FN1: variants seen among roughly 807,000 people sequenced by gnomAD.
FN1 encodes the protein fibronectin.
FN1 carries 106 observed loss-of-function variants against 297.3 expected under a neutral mutation model. The observed-to-expected ratio is 0.36, with a 90% CI of 0.30 to 0.42. FN1 has a LOEUF of 0.42. Among genes scored for constraint, FN1 ranks in the 10% least tolerant of loss-of-function variants. The pLI is 1.00. For synonymous variants in FN1, 1,149 were observed against 1,152.6 expected (o/e 1.00, Z 0.06); for missense variants, 2,690 against 3,124.9 (o/e 0.86, Z 3.32).
Position 215,436,011 on chromosome 2 carries a change from TTCCCGCTCGCGCCTGGGGTTCCCTCTCC to T in FN1, c.-237_-210del. The T allele has an allele frequency of 9.0e-7, 1 of 1,114,922 alleles. No homozygotes were observed. Among genetic ancestry groups the T allele is most frequent in the Middle Eastern group, 3.1e-4 (1 of 3,250 alleles). The allele number at this position is 1,114,922 out of a possible 1,614,324, so 69.1% of individuals were successfully genotyped here. A position where few individuals can be genotyped will look rare whatever the true frequency, so the allele number is the denominator to read the frequency against. ...AGAAGTTGTGGCTGCAGGTCCCCTCTTCCCGCTCGCGCCTGGGGTTCCCTCTCCTCCCCCTGTGCAGCACAGCCGGCGC... is the reference window on the plus strand; with the variant it reads ...AGAAGTTGTGGCTGCAGGTCCCCTCTTCCCCCTGTGCAGCACAGCCGGCGC... On this transcript the variant is annotated 5_prime_UTR_variant, in exon 1 of 46. Coordinates refer to ENST00000354785, the MANE Select transcript of FN1 (RefSeq NM_212482.4).
chr2:215,371,544 T>A lies in FN1; in HGVS notation c.6714+365A>T, dbSNP rs1196441115. 4.0e-5 allele frequency among the ~76,000 whole-genome samples: 6 copies of A among 151,864 alleles called. No individual in the cohort carries two copies. The East Asian group carries it at 1.2e-3, about 29-fold the overall frequency. ...GTGAGAATAAGAGAAATAGTTTCATTTTCTCTATGAAATAAAAGCTAGTGA... is the reference window on the plus strand; with the variant it reads ...GTGAGAATAAGAGAAATAGTTTCATATTCTCTATGAAATAAAAGCTAGTGA... On this transcript the variant is annotated intron_variant, in intron 40 of 45. Coordinates refer to ENST00000354785, the MANE Select transcript of FN1 (RefSeq NM_212482.4).
At chr2:215,375,027 C>T (rs1326855346) in intron 38 of FN1, among the ~76,000 whole-genome samples, 187 bp downstream of exon 38, 2 of 152,180 alleles carry the variant, frequency 1.3e-5, no homozygotes, top group Non-Finnish European at 1.5e-5. Flanking sequence ...ATTGCATTTT[C>T]CTTCACTCAT....
intron 12 of FN1, among the ~76,000 whole-genome samples, chr2:215,415,847 T>G (rs1043843274): frequency 6.6e-6 from 1 of 152,060 alleles, no homozygotes; most frequent in Non-Finnish European, 1.5e-5. Flanking sequence ...GCTAGAAAAT[T>G]TATGCTTGCA....
intron 2 of FN1, 109 bp from the exon 3 acceptor site, chr2:215,433,570 T>A (rs781306192): frequency 4.7e-4 from 496 of 1,051,120 alleles, no homozygotes; most frequent in Non-Finnish European, 6.8e-4. Context: ...AGTAACATGG[T>A]ACACCTCAAA....
At chr2:215,369,620 T>G (rs752169588) in intron 41 of FN1, among the ~76,000 whole-genome samples, 11 of 152,212 alleles carry the variant, frequency 7.2e-5, no homozygotes, top group Non-Finnish European at 1.3e-4. Flanking sequence ...AATTTTCAGC[T>G]GCTGCAAATT....
chr2:215,434,774 G>A lies in FN1; in HGVS notation c.199C>T (p.Arg67Trp). Residue 67 changes from arginine to tryptophan, a missense_variant, in exon 2 of 46, where the codon CGG becomes TGG. Around this residue, in one of 3 missense-constraint regions of FN1, gnomAD observed 876 missense variants for 1,058.1 expected, o/e 0.83. Transcript: ENST00000354785. The stretch of plus-strand genomic sequence containing the variant: ...ACCAACGCATTGCCTAGGTAGGTCC[G>A]CTCCCACTGTTGATTTATCTGATAG... Reference protein sequence around the residue: ...KHYQINQQWERTYLGNALVCT... With the variant: ...KHYQINQQWEWTYLGNALVCT... The A allele has an allele frequency of 6.2e-7, 1 of 1,613,812 alleles. No individual in the cohort carries two copies. The highest frequency in any genetic ancestry group is 8.5e-7 in the Non-Finnish European group (1 of 1,179,742).
intron 12 of FN1, among the ~76,000 whole-genome samples, chr2:215,415,482 T>C (rs1043967651): frequency 1.3e-5 from 2 of 152,108 alleles, no homozygotes; most frequent in Non-Finnish European, 2.9e-5. Flanking sequence ...CTTAGACAAA[T>C]AGCAAAGGTA....
chr2:215,367,233 T>A (rs1191670006), intron 42 of FN1, among the ~76,000 whole-genome samples: 1 of 152,218 alleles, frequency 6.6e-6, no homozygotes, highest in Non-Finnish European at 1.5e-5. Flanking sequence ...AATAGATATT[T>A]CCTAGGCACA....
chr2:215,425,258 G>A lies in FN1; in HGVS notation c.872C>T (p.Ala291Val). ...SGSGPFTDVR[A>V]AVYQPQPHPQ... ...GTGAGGCTGCGGTTGGTAAACAGCT[G>A]CACGAACATCGGTGAAGGGGCCAGA... The change falls in exon 7 of 46, where the codon GCA becomes GTA. Residue 291 changes from alanine (A) to valine (V), a missense_variant. Ala to Val is a moderately conservative substitution (Grantham distance 64, BLOSUM62 0). Coordinates refer to ENST00000354785, the MANE Select transcript of FN1 (RefSeq NM_212482.4). The A allele has an allele frequency of 6.2e-7, 1 of 1,614,156 alleles. No individual in the cohort carries two copies. Among genetic ancestry groups the A allele is most frequent in the Non-Finnish European group, 8.5e-7 (1 of 1,180,036 alleles).
rs2106404082 is a variant in FN1, at chr2:215,420,743, A to G, written c.1605T>C (p.His535=). 9 of 1,614,128 alleles carry G rather than the reference A, an allele frequency of 5.6e-6. No individual in the cohort carries two copies. The highest frequency in any genetic ancestry group is 2.2e-5 in the South Asian group (2 of 91,080). Residue 535 remains histidine, a synonymous_variant, in exon 11 of 46, where the codon CAT becomes CAC. Coordinates refer to ENST00000354785, the MANE Select transcript of FN1 (RefSeq NM_212482.4). ...TACAGTTCAGCATGTGCCCCTCTTC[A>G]TGACGCTTGTGGAATGTGTCGTTCA... ...YNVNDTFHKR[H]EEGHMLNCTC...
chr2:215,393,336 T>C, intron 24 of FN1, 133 bp from the exon 25 acceptor site: 1 of 802,362 alleles, frequency 1.2e-6, no homozygotes, highest in Non-Finnish European at 1.9e-6. Flanking sequence ...GATGGTAATA[T>C]GCAATCTGTT....
chr2:215,371,061 A>T (rs1337287200), intron 40 of FN1, among the ~76,000 whole-genome samples: 17 of 152,156 alleles, frequency 1.1e-4, no homozygotes. Flanking sequence ...CGAGGTCAGG[A>T]GATCGAGACC....
intron 13 of FN1, 145 bp downstream of exon 13, chr2:215,414,692 A>G (rs2063183681): frequency 1.4e-6 from 2 of 1,441,244 alleles, no homozygotes; most frequent in African/African-American, 1.4e-5. Context: ...TTGACCACAT[A>G]TTGTTTGTTC....
Position 215,386,861 on chromosome 2 carries a change from C to G in FN1, c.4440G>C (p.Arg1480Ser), listed in dbSNP as rs1220757582. 6.2e-7 allele frequency: 1 copy of G among 1,613,854 alleles called. No individual in the cohort carries two copies. Among genetic ancestry groups the G allele is most frequent in the East Asian group, 2.2e-5 (1 of 44,838 alleles). The part of the protein sequence containing the change: ...IAPRATITGY[R>S]IRHHPEHFSG... ...TGAAGTGCTCGGGATGATGGCGGAT[C>G]CTGTAGCCAGTGATGGTGGCTCGAG... is the stretch of plus-strand genomic sequence containing the variant. Residue 1480 changes from arginine (R) to serine (S), a missense_variant, in exon 28 of 46, where the codon AGG (arginine) becomes AGC (serine). By Grantham distance (110) the Arg-to-Ser change is moderately radical. This residue lies in a region of FN1 where 1,743 missense variants were observed against 1,945.2 expected (regional missense o/e 0.90). Transcript: ENST00000354785.
intron 13 of FN1, 39 bp from the exon 14 acceptor site, chr2:215,410,153 G>A (rs569196257): frequency 2.7e-5 from 32 of 1,163,928 alleles, no homozygotes; most frequent in African/African-American, 2.5e-4. Flanking sequence ...ACACACACAC[G>A]TGTTTACAAG....
intron 5 of FN1, among the ~76,000 whole-genome samples, 156 bp from the exon 6 acceptor site, chr2:215,428,494 A>G (rs2065899143): frequency 6.6e-6 from 1 of 152,250 alleles, no homozygotes. Flanking sequence ...CTTCTGAAAG[A>G]TGAAATTACA....
intron 9 of FN1, among the ~76,000 whole-genome samples, chr2:215,423,128 TATAA>T (rs1484230742): frequency 6.6e-6 from 1 of 152,152 alleles, no homozygotes. Flanking sequence ...TTAAAAATTA[TATAA>T]ATAATTATCT....
rs530492948 is a variant in FN1, at chr2:215,392,591, AC to A, written c.4069+339del. 116 of 348,578 alleles carry A rather than the reference AC, an allele frequency of 3.3e-4. 1 individual carries two copies. Among genetic ancestry groups the A allele is most frequent in the South Asian group, 2.8e-3 (111 of 39,024 alleles). 21.6% of individuals were successfully genotyped at this position (348,578 alleles called of 1,614,324 possible). A position where few individuals can be genotyped will look rare whatever the true frequency, so the allele number is the denominator to read the frequency against. On this transcript the variant is annotated intron_variant, in intron 25 of 45. Transcript: ENST00000354785. ...TATTTCTTATAATTAATTGGTACTT[AC>A]GCAATTTGGTATTCGTGTTTGGTAT...
At chr2:215,405,207 A>G (rs1375382588) in intron 19 of FN1, among the ~76,000 whole-genome samples, 1 of 152,246 alleles carries the variant, frequency 6.6e-6, no homozygotes, top group Non-Finnish European at 1.5e-5. Flanking sequence ...AGTTTGCACT[A>G]TCAGAATCAC....
Sources: gnomAD v4.1 joint callset for allele counts (sites outside exome capture counted in the v4.1 genomes callset) on GRCh38, gnomAD v4.1.1 for gene constraint, gnomAD v4.1.1 regional missense constraint, MANE v1.5 for transcripts, NCBI Gene and HGNC (gene_info 2026-07-23, HGNC 2026-07-21) for gene names.